CPNE8: variants seen among roughly 807,000 people sequenced by gnomAD.
CPNE8 encodes copine-8.
CPNE8 carries 45 observed loss-of-function variants against 81.5 expected under a neutral mutation model. The ratio of observed to expected loss-of-function variants is 0.55; its 90% CI spans 0.44 to 0.71. The LOEUF is 0.71. Among genes scored for constraint, CPNE8 ranks in the 30% least tolerant of loss-of-function variants. The pLI is 0.00. For synonymous variants in CPNE8, 252 were observed against 226.3 expected (o/e 1.11, Z -1.02); for missense variants, 594 against 672.1 (o/e 0.88, Z 1.28).
chr12:38,660,109 A>T (rs1292743054), intron 19 of CPNE8, among the ~76,000 whole-genome samples: 3 of 152,220 alleles, frequency 2.0e-5, no homozygotes, highest in Non-Finnish European at 4.4e-5. Context: ...AAATGGAAAA[A>T]ACTACTTTAA....
At chr12:38,869,887 G>GT (rs907457799) in intron 3 of CPNE8, among the ~76,000 whole-genome samples, 1 of 152,050 alleles carries the variant, frequency 6.6e-6, no homozygotes, top group Non-Finnish European at 1.5e-5. Flanking sequence ...AAAATACTCT[G>GT]TTTTTTCTAT....
At chr12:38,659,428 T>G (rs146472386) in intron 19 of CPNE8, among the ~76,000 whole-genome samples, 2,056 of 152,238 alleles carry the variant, frequency 0.014, 46 homozygotes, top group African/African-American at 0.045. Flanking sequence ...CGAAGAGACT[T>G]AGACTCCCAC....
chr12:38,755,044 T>C (rs995517955), intron 10 of CPNE8, among the ~76,000 whole-genome samples: 4 of 152,170 alleles, frequency 2.6e-5, no homozygotes, highest in Non-Finnish European at 5.9e-5. Flanking sequence ...ATTTCAGCAA[T>C]AGGCAAGGAA....
intron 6 of CPNE8, among the ~76,000 whole-genome samples, chr12:38,791,622 A>G (rs1265475493): frequency 6.6e-6 from 1 of 151,706 alleles, no homozygotes; most frequent in Non-Finnish European, 1.5e-5. Context: ...ACAAAAGATA[A>G]TAAAACAGAA....
At position 38,853,572 on chromosome 12, in the gene CPNE8, G is replaced by GA. The variant is rs888283039; in HGVS notation, c.187-4911dup. 2.5e-3 allele frequency among the ~76,000 whole-genome samples: 378 copies of GA among 149,902 alleles called. 3 individuals are homozygous for GA. Among genetic ancestry groups the GA allele is most frequent in the African/African-American group, 7.8e-3 (319 of 40,922 alleles). On this transcript the variant is annotated intron_variant, in intron 3 of 19. Coordinates refer to ENST00000331366, the MANE Select transcript of CPNE8 (RefSeq NM_153634.3). Reference sequence around the variant, plus strand: ...CAAGTATGAAAATTTTCAGTTATTTGAAAAAAAAAGTGTGTAAACTTAAAT... The same window carrying GA: ...CAAGTATGAAAATTTTCAGTTATTTGAAAAAAAAAAGTGTGTAAACTTAAAT...
At chr12:38,772,488 A>C (rs971648417) in intron 7 of CPNE8, among the ~76,000 whole-genome samples, 1 of 152,234 alleles carries the variant, frequency 6.6e-6, no homozygotes, top group Non-Finnish European at 1.5e-5. Context: ...CTCTAAGGAC[A>C]TACAAATGAC....
At chr12:38,905,599 AGC>A, upstream of CPNE8, 1 of 1,531,632 alleles carries the variant, frequency 6.5e-7, no homozygotes, top group Admixed American at 2.0e-5. Flanking sequence ...ACTGAGGGCT[AGC>A]TCCCGTCAGG....
intron 19 of CPNE8, among the ~76,000 whole-genome samples, chr12:38,660,876 A>G (rs2630774): frequency 0.98 from 149,812 of 152,276 alleles, 73,726 homozygotes; most frequent in Middle Eastern, 1. Flanking sequence ...ATCACTGGTC[A>G]TCAGAGAAAT....
chr12:38,754,076 G>C (rs1283377188), intron 10 of CPNE8, among the ~76,000 whole-genome samples: 1 of 152,130 alleles, frequency 6.6e-6, no homozygotes, highest in Non-Finnish European at 1.5e-5. Context: ...ACAAGAGAGA[G>C]GGATTAAATG....
At chr12:38,737,130 T>G (rs1940974200) in intron 10 of CPNE8, among the ~76,000 whole-genome samples, 2 of 151,632 alleles carry the variant, frequency 1.3e-5, no homozygotes, top group African/African-American at 4.8e-5. Context: ...TTAATAATAG[T>G]AATAACAATA....
chr12:38,699,179 G>C (rs1939870681), intron 14 of CPNE8, among the ~76,000 whole-genome samples: 1 of 152,110 alleles, frequency 6.6e-6, no homozygotes, highest in Non-Finnish European at 1.5e-5. Flanking sequence ...TCTTGTTTCA[G>C]AGTTGTTGGA....
intron 1 of CPNE8, among the ~76,000 whole-genome samples, chr12:38,894,678 TCTCTCTCTCTCTCTC>T (rs1944362481): frequency 7.0e-6 from 1 of 142,192 alleles, no homozygotes; most frequent in African/African-American, 2.5e-5. Flanking sequence ...TCTCTCTCTC[TCTCTCTCTCTCTCTC>T]TCTCTCTCTC....
At chr12:38,822,828 G>A (rs1209839350) in intron 6 of CPNE8, among the ~76,000 whole-genome samples, 1 of 152,084 alleles carries the variant, frequency 6.6e-6, no homozygotes, top group Admixed American at 6.6e-5. Context: ...AGCAGAGATA[G>A]GACTAAAAAC....
intron 1 of CPNE8, among the ~76,000 whole-genome samples, chr12:38,886,833 G>A (rs1944244329): frequency 6.6e-6 from 1 of 152,156 alleles, no homozygotes. Context: ...TACAAAAGAA[G>A]GTAGAGCTCA....
chr12:38,678,350 C>A (rs867363194), intron 16 of CPNE8, among the ~76,000 whole-genome samples: 6 of 151,932 alleles, frequency 3.9e-5, no homozygotes, highest in South Asian at 2.1e-4. Context: ...CATTACATTT[C>A]TCTTTTCCTT....
intron 7 of CPNE8, among the ~76,000 whole-genome samples, chr12:38,769,156 G>C (rs1481444588): frequency 5.3e-5 from 8 of 152,126 alleles, no homozygotes; most frequent in African/African-American, 1.7e-4. Context: ...GAACAAGGCA[G>C]TATCTACCCT....
chr12:38,783,457 G>A (rs375349619), intron 6 of CPNE8, among the ~76,000 whole-genome samples: 4 of 152,108 alleles, frequency 2.6e-5, no homozygotes, highest in African/African-American at 9.7e-5. Context: ...GAACATTTCC[G>A]TGTGCTGGGG....
At chr12:38,795,346 C>T (rs1055234352) in intron 6 of CPNE8, among the ~76,000 whole-genome samples, 2 of 152,196 alleles carry the variant, frequency 1.3e-5, no homozygotes, top group Admixed American at 6.5e-5. Flanking sequence ...AGTAGATCTA[C>T]CATATGATCC....
At chr12:38,806,920 A>C (rs1565628346) in intron 6 of CPNE8, among the ~76,000 whole-genome samples, 1 of 150,616 alleles carries the variant, frequency 6.6e-6, no homozygotes, top group Non-Finnish European at 1.5e-5. Flanking sequence ...ATACAAAATC[A>C]ATGTACAAAA....
Sources: allele counts gnomAD v4.1 joint callset (sites outside exome capture counted in the v4.1 genomes callset), GRCh38; gene constraint gnomAD v4.1.1; transcripts MANE v1.5; gene names NCBI Gene and HGNC (gene_info 2026-07-23, HGNC 2026-07-21).